Variants in PLCG1 observed in about 807,000 individuals in gnomAD.
PLCG1 encodes phospholipase C gamma 1.
In PLCG1, 71 loss-of-function variants were observed where a neutral mutation model predicts 177.8. The ratio of observed to expected loss-of-function variants is 0.40; its 90% CI spans 0.33 to 0.49. PLCG1 has a LOEUF of 0.49. Among genes scored for constraint, PLCG1 ranks in the 20% least tolerant of loss-of-function variants. PLCG1 has a pLI of 0.72. For synonymous variants in PLCG1, 658 were observed against 647.9 expected (o/e 1.02, Z -0.24); for missense variants, 1,281 against 1,709.0 (o/e 0.75, Z 4.42).
In PLCG1 at chr20:41,164,209, G is replaced by A. The variant is rs781193523; in HGVS notation, c.1217+8G>A. 3.2e-5 allele frequency: 51 copies of A among 1,613,616 alleles called. No individual in the cohort carries two copies. Among genetic ancestry groups the A allele is most frequent in the Non-Finnish European group, 3.6e-5 (42 of 1,179,846 alleles). On this transcript the variant is annotated splice_region_variant and intron_variant, in intron 12 of 31. Coordinates refer to ENST00000685551, the MANE Select transcript of PLCG1 (RefSeq NM_002660.3). This position sits in a 1 kb window ranked among gnomAD's most constrained non-coding sequence, Gnocchi z 6.4. ...TGCCTTTGTGGCCTCAGAGTGAGTCGGAGGCTGGATGACCCAGGGGTTAAC... is the reference window on the plus strand; with the variant it reads ...TGCCTTTGTGGCCTCAGAGTGAGTCAGAGGCTGGATGACCCAGGGGTTAAC...
At chr20:41,170,328 C>G (rs1411299680) in intron 24 of PLCG1, 59 bp downstream of exon 24, 2 of 1,584,876 alleles carry the variant, frequency 1.3e-6, no homozygotes, top group South Asian at 2.2e-5. Flanking sequence ...GCAGCTGAGG[C>G]CTCCAGCTCC....
In PLCG1 at chr20:41,160,970, C is replaced by A. The variant is rs927746444; in HGVS notation, c.512+817C>A. 6.6e-6 allele frequency among the ~76,000 whole-genome samples: 1 copy of A among 152,042 alleles called. No individual in the cohort carries two copies. Among genetic ancestry groups the A allele is most frequent in the African/African-American group, 2.4e-5 (1 of 41,378 alleles). On this transcript the variant is annotated intron_variant, in intron 4 of 31. Transcript: ENST00000685551. The surrounding 1 kb of genome is among the most constrained non-coding windows in gnomAD (Gnocchi z 5.5). ...AAGTTTTCTGATGCCTATTAGCTGT[C>A]CAGGGAGAGATGTTGAGTAGGCAGG...
chr20:41,168,296 C>T (rs2035770664), intron 20 of PLCG1, among the ~76,000 whole-genome samples: 1 of 152,194 alleles, frequency 6.6e-6, no homozygotes, highest in Non-Finnish European at 1.5e-5. Context: ...TCTAAAAAGG[C>T]CTGGGCCCTA....
At chr20:41,168,955 C>A in intron 21 of PLCG1, 85 bp downstream of exon 21, 1 of 1,139,108 alleles carries the variant, frequency 8.8e-7, no homozygotes, top group Non-Finnish European at 1.3e-6. Flanking sequence ...ATGTGCTTGT[C>A]TCCTGTGTGC....
At chr20:41,143,036 G>C (rs2034880848) in intron 1 of PLCG1, among the ~76,000 whole-genome samples, 1 of 152,226 alleles carries the variant, frequency 6.6e-6, no homozygotes, top group Non-Finnish European at 1.5e-5. Context: ...TATTGTCAGG[G>C]CTCTTTCCCA....
Position 41,172,851 on chromosome 20 carries a change from C to A in PLCG1, c.3253C>A (p.Leu1085Met), listed in dbSNP as rs1200444152. 1 of 1,614,116 alleles carries A rather than the reference C, an allele frequency of 6.2e-7. No homozygotes were observed. The highest frequency in any genetic ancestry group is 1.7e-5 in the Admixed American group (1 of 60,016). ...CTTTGACAAGAGCAGCCTCCGCGGGCTGGAGCCATGTGCCATCTCTATTGA... is the reference window on the plus strand; with the variant it reads ...CTTTGACAAGAGCAGCCTCCGCGGGATGGAGCCATGTGCCATCTCTATTGA... ...DPFDKSSLRG[L>M]EPCAISIEVL... Residue 1085 changes from leucine to methionine, a missense_variant, in exon 27 of 32, where the codon CTG becomes ATG. Leu to Met is a conservative substitution (Grantham distance 15). Around this residue, in one of 4 missense-constraint regions of PLCG1, gnomAD observed 723 missense variants for 1,030.0 expected, o/e 0.70. Coordinates refer to ENST00000685551, the MANE Select transcript of PLCG1 (RefSeq NM_002660.3). The surrounding 1 kb of genome is among the most constrained non-coding windows in gnomAD (Gnocchi z 7.0).
At position 41,157,366 on chromosome 20, in the gene PLCG1, C is replaced by G. The variant is rs1353131404; in HGVS notation, c.218-2240C>G. ...GGTTGTTCTGCAGTTTCTGATCTAGCCATTTCCCCTGATGGAAGCTCCTCC... is the reference window on the plus strand; with the variant it reads ...GGTTGTTCTGCAGTTTCTGATCTAGGCATTTCCCCTGATGGAAGCTCCTCC... On this transcript the variant is annotated intron_variant, in intron 1 of 31. Transcript: ENST00000685551. The surrounding 1 kb of genome is among the most constrained non-coding windows in gnomAD (Gnocchi z 5.4). 1.3e-5 allele frequency among the ~76,000 whole-genome samples: 2 copies of G among 151,990 alleles called. No individual in the cohort carries two copies. Among genetic ancestry groups the G allele is most frequent in the East Asian group, 3.9e-4 (2 of 5,182 alleles).
rs761689665 is a variant in PLCG1 at position 41,174,165 on chromosome 20, G to C, written c.3687G>C (p.Leu1229=). The C allele has an allele frequency of 6.2e-7, 1 of 1,614,172 alleles. No homozygotes were observed. Among genetic ancestry groups the C allele is most frequent in the Non-Finnish European group, 8.5e-7 (1 of 1,180,008 alleles). ...GDLSPFSGTS[L]RERGSDASGQ... is the part of the protein sequence containing the mutation. ...TCAGTCCCTTCAGTGGTACGTCCCT[G>C]CGGGAGCGGGGCTCAGATGCCTCAG... Residue 1229 remains leucine (L), a synonymous_variant, in exon 31 of 32, where the codon CTG becomes CTC. Transcript: ENST00000685551. The surrounding 1 kb of genome is among the most constrained non-coding windows in gnomAD (Gnocchi z 5.8).
chr20:41,152,542 A>G (rs2035198187), intron 1 of PLCG1, among the ~76,000 whole-genome samples: 1 of 152,230 alleles, frequency 6.6e-6, no homozygotes, highest in South Asian at 2.1e-4. Context: ...TCTTCCAGGA[A>G]GCCATCCTTG....
At position 41,144,860 on chromosome 20, in the gene PLCG1, TAAAA is replaced by T. The variant is rs1046270385; in HGVS notation, c.217+7008_217+7011del. 6.7e-6 allele frequency among the ~76,000 whole-genome samples: 1 copy of T among 150,258 alleles called. No homozygotes were observed. The highest frequency in any genetic ancestry group is 1.5e-5 in the Non-Finnish European group (1 of 67,494). On this transcript the variant is annotated intron_variant, in intron 1 of 31. Transcript: ENST00000685551. This position sits in a 1 kb window ranked among gnomAD's most constrained non-coding sequence, Gnocchi z 4.1. ...TCCATCTCACCATACCTACTCTCCT[TAAAA>T]AAAAACAAAAAACTAGCTTTCTTGG...
rs1053371583 is a variant in PLCG1 at position 41,159,280 on chromosome 20, C to T, written c.218-326C>T. Among the ~76,000 whole-genome samples, 1 of 152,128 alleles carries T rather than the reference C, an allele frequency of 6.6e-6. No homozygotes were observed. Among genetic ancestry groups the T allele is most frequent in the Non-Finnish European group, 1.5e-5 (1 of 68,032 alleles). On this transcript the variant is annotated intron_variant, in intron 1 of 31. Coordinates refer to ENST00000685551, the MANE Select transcript of PLCG1 (RefSeq NM_002660.3). This position sits in a 1 kb window ranked among gnomAD's most constrained non-coding sequence, Gnocchi z 6.0. ...TCAGGAAGTGGTCCTCATGAACAGC[C>T]TTGGGTCCCTATTTCTTCTTCTGGA...
rs1245731295 is a variant in PLCG1, at chr20:41,153,367, T to C, written c.218-6239T>C. 2.6e-5 allele frequency among the ~76,000 whole-genome samples: 4 copies of C among 152,172 alleles called. No individual in the cohort carries two copies. Among genetic ancestry groups the C allele is most frequent in the African/African-American group, 9.7e-5 (4 of 41,432 alleles). On this transcript the variant is annotated intron_variant, in intron 1 of 31. Coordinates refer to ENST00000685551, the MANE Select transcript of PLCG1 (RefSeq NM_002660.3). The surrounding 1 kb of genome is among the most constrained non-coding windows in gnomAD (Gnocchi z 5.1). ...CATAGCTCATAGAGCTTCCTACTCA[T>C]CTGCAGCCTCAAACCCTTGGGCTCA... is the stretch of plus-strand genomic sequence containing the variant.
chr20:41,164,372 C>T lies in PLCG1; in HGVS notation c.1217+171C>T, dbSNP rs1488481120. 6.6e-6 allele frequency among the ~76,000 whole-genome samples: 1 copy of T among 152,068 alleles called. No homozygotes were observed. Among genetic ancestry groups the T allele is most frequent in the Non-Finnish European group, 1.5e-5 (1 of 68,012 alleles). The stretch of plus-strand genomic sequence containing the variant: ...CACCTGCTCCCTGCTTGAGCTGTTG[C>T]TTCCCAAGTTACACTTTCTGTTTCC... On this transcript the variant is annotated intron_variant, in intron 12 of 31. Transcript: ENST00000685551. The surrounding 1 kb of genome is among the most constrained non-coding windows in gnomAD (Gnocchi z 6.4).
Position 41,150,765 on chromosome 20 carries a change from G to A in PLCG1, c.218-8841G>A, listed in dbSNP as rs1408852434. Among the ~76,000 whole-genome samples, 1 of 152,122 alleles carries A rather than the reference G, an allele frequency of 6.6e-6. No homozygotes were observed. Among genetic ancestry groups the A allele is most frequent in the Admixed American group, 6.6e-5 (1 of 15,264 alleles). On this transcript the variant is annotated intron_variant, in intron 1 of 31. Coordinates refer to ENST00000685551, the MANE Select transcript of PLCG1 (RefSeq NM_002660.3). The surrounding 1 kb of genome is among the most constrained non-coding windows in gnomAD (Gnocchi z 4.0). ...TTCCATGAACCCCTCTGCCCAATGT[G>A]TGCTTGTCAGCCCTCCAGACCTGGC...
chr20:41,172,114 A>G lies in PLCG1; in HGVS notation c.2809-79A>G, dbSNP rs763671475. On this transcript the variant is annotated intron_variant, in intron 24 of 31. Transcript: ENST00000685551. This position sits in a 1 kb window ranked among gnomAD's most constrained non-coding sequence, Gnocchi z 7.0. ...GGCCCAGAGCACCTGCAGTGTGGGC[A>G]TGCCCAAGGTTGGCAGGGGCTTCCT... 4.7e-6 allele frequency: 5 copies of G among 1,074,924 alleles called. No individual in the cohort carries two copies. Among genetic ancestry groups the G allele is most frequent in the Non-Finnish European group, 7.3e-6 (5 of 688,384 alleles). 66.6% of individuals were successfully genotyped at this position (1,074,924 alleles called of 1,614,324 possible). A position where few individuals can be genotyped will look rare whatever the true frequency, so the allele number is the denominator to read the frequency against.
At chr20:41,169,557 G>T (rs753946141) in intron 23 of PLCG1, 31 bp downstream of exon 23, 1 of 1,522,018 alleles carries the variant, frequency 6.6e-7, no homozygotes, top group Non-Finnish European at 9.1e-7. Context: ...CTTGCCCACT[G>T]TTCCCTAGGG....
chr20:41,166,126 G>C lies in PLCG1; in HGVS notation c.1800-68G>C, dbSNP rs997202897. On this transcript the variant is annotated intron_variant, in intron 16 of 31. Transcript: ENST00000685551. This position sits in a 1 kb window ranked among gnomAD's most constrained non-coding sequence, Gnocchi z 8.6. Reference sequence around the variant, plus strand: ...CCTCCTTGAGTTCCACCCTCATTTGGGGTGGAACTTGGTCTTTGGGGCCCT... The same window carrying C: ...CCTCCTTGAGTTCCACCCTCATTTGCGGTGGAACTTGGTCTTTGGGGCCCT... 1.4e-6 allele frequency: 2 copies of C among 1,388,566 alleles called. No homozygotes were observed. The highest frequency in any genetic ancestry group is 1.0e-6 in the Non-Finnish European group (1 of 990,430). 86.0% of individuals were successfully genotyped at this position (1,388,566 alleles called of 1,614,324 possible).
rs1568754735 is a variant in PLCG1 at position 41,169,514 on chromosome 20, G to T, written c.2638G>T (p.Ala880Ser). Residue 880 changes from alanine to serine, a missense_variant, in exon 23 of 32, where the codon GCT (alanine) becomes TCT (serine). By Grantham distance (99) the Ala-to-Ser change is moderately conservative. Coordinates refer to ENST00000685551, the MANE Select transcript of PLCG1 (RefSeq NM_002660.3). ...GCTGCGGGGGGTCTTGGATGTGCCGGCTTGTCAGATTGGTGAGCTCCCATC... is the reference window on the plus strand; with the variant it reads ...GCTGCGGGGGGTCTTGGATGTGCCGTCTTGTCAGATTGGTGAGCTCCCATC... ...DLLRGVLDVP[A>S]CQIAIRPEGK... The T allele has an allele frequency of 6.2e-7, 1 of 1,613,074 alleles. No homozygotes were observed.
At chr20:41,140,020 G>A (rs1018724377) in intron 1 of PLCG1, among the ~76,000 whole-genome samples, 2 of 152,210 alleles carry the variant, frequency 1.3e-5, no homozygotes, top group African/African-American at 2.4e-5. Context: ...GAGGGGTGCA[G>A]AGAGGGGATG....
Sources: allele counts gnomAD v4.1 joint callset (sites outside exome capture counted in the v4.1 genomes callset), GRCh38; gene constraint gnomAD v4.1.1; regional missense constraint gnomAD v4.1.1; non-coding constraint Gnocchi (gnomAD v3.1); transcripts MANE v1.5; gene names NCBI Gene and HGNC (gene_info 2026-07-23, HGNC 2026-07-21).